Variants in DNAH3 observed in about 807,000 individuals in gnomAD.
DNAH3 encodes axonemal beta dynein heavy chain 3.
In DNAH3, 332 loss-of-function variants were observed where a neutral mutation model predicts 432.5. The ratio of observed to expected loss-of-function variants is 0.77; its 90% CI spans 0.70 to 0.84. The LOEUF is 0.84. Among genes scored for constraint, DNAH3 ranks in the 40% least tolerant of loss-of-function variants. DNAH3 has a pLI of 0.00. For missense variants in DNAH3, 4,861 were observed against 5,114.0 expected (o/e 0.95, Z 1.51); for synonymous variants, 1,956 against 1,900.2 (o/e 1.03, Z -0.76).
intron 28 of DNAH3, among the ~76,000 whole-genome samples, chr16:21,053,281 A>G (rs888942383): frequency 6.6e-6 from 1 of 152,176 alleles, no homozygotes; most frequent in Non-Finnish European, 1.5e-5. Context: ...AAGGAATTTA[A>G]TTCCCCTCCT....
Position 21,054,408 on chromosome 16 carries a change from C to A in DNAH3, c.4039+12G>T, listed in dbSNP as rs1303423897. 6.2e-7 allele frequency: 1 copy of A among 1,602,974 alleles called. No individual in the cohort carries two copies. ...GATAGTCAGTAATGACAGGGGAAGC[C>A]CCCTGGCTTACCGTGGACATCGATG... On this transcript the variant is annotated intron_variant, in intron 28 of 61. Transcript: ENST00000261383.
chr16:20,980,334 A>C (rs1175091777), intron 49 of DNAH3, among the ~76,000 whole-genome samples: 1 of 105,904 alleles, frequency 9.4e-6, no homozygotes, highest in Non-Finnish European at 2.2e-5. Flanking sequence ...ATACTATATT[A>C]TATTTTATTA....
Position 20,964,416 on chromosome 16 carries a change from C to T in DNAH3, c.9468G>A (p.Arg3156=), listed in dbSNP as rs1290400934. 3 of 1,614,162 alleles carry T rather than the reference C, an allele frequency of 1.9e-6. No individual in the cohort carries two copies. The East Asian group carries it at 6.7e-5, about 36-fold the overall frequency. The change falls in exon 53 of 62, where the codon AGG becomes AGA. Residue 3156 remains arginine (R), a synonymous_variant. Coordinates refer to ENST00000261383, the Ensembl canonical transcript of DNAH3. ...AATATTCAATGATGTTTTCACCCAG[C>T]CTCATGTACTCAACTCCTTGCTGTT...
chr16:21,126,885 C>T (rs1198299162), intron 8 of DNAH3, among the ~76,000 whole-genome samples: 3 of 151,900 alleles, frequency 2.0e-5, no homozygotes, highest in African/African-American at 7.3e-5. Flanking sequence ...GCCTGATGAT[C>T]TGTCACTGTC....
intron 42 of DNAH3, 114 bp from the exon 43 acceptor site, chr16:21,000,632 C>G: frequency 3.2e-6 from 3 of 947,826 alleles, no homozygotes; most frequent in Non-Finnish European, 4.7e-6. Context: ...TCTTTATGAC[C>G]TTAGGCGAGT....
chr16:21,120,982 A>G lies in DNAH3; in HGVS notation c.1585-128T>C, dbSNP rs565366007. 68 of 743,264 alleles carry G rather than the reference A, an allele frequency of 9.1e-5. No individual in the cohort carries two copies. The African/African-American group carries it at 9.3e-4, about 10-fold the overall frequency. The allele number at this position is 743,264 out of a possible 1,614,324, so 46.0% of individuals were successfully genotyped here. On this transcript the variant is annotated intron_variant, in intron 10 of 61. Transcript: ENST00000261383. ...CACACCCAGTTTTAATGGAGTACTT[A>G]GAACCCTGTAAGTACCAGATTGCAA...
exon 53 of DNAH3, chr16:20,964,771 T>C: frequency 1.2e-6 from 2 of 1,614,092 alleles, no homozygotes; most frequent in Non-Finnish European, 1.7e-6. Context: ...GAGACTGAAG[T>C]CACTGAAGCC....
Position 20,933,143 on chromosome 16 carries a change from G to A in DNAH3, c.*11C>T. On this transcript the variant is annotated 3_prime_UTR_variant, in exon 62 of 62. Transcript: ENST00000261383. ...AAATGCTTTTTATTTTCTGTCTTGAGACAAATGCCATCAGTTATCCAGCTG... is the reference window on the plus strand; with the variant it reads ...AAATGCTTTTTATTTTCTGTCTTGAAACAAATGCCATCAGTTATCCAGCTG... 5 of 1,602,682 alleles carry A rather than the reference G, an allele frequency of 3.1e-6. No individual in the cohort carries two copies. In the South Asian group the frequency reaches 4.4e-5, roughly 14 times the overall value.
At chr16:21,061,261 T>C (rs2152752272) in intron 25 of DNAH3, among the ~76,000 whole-genome samples, 1 of 139,522 alleles carries the variant, frequency 7.2e-6, no homozygotes, top group African/African-American at 2.7e-5. Context: ...TGAGACGGAG[T>C]TTCACTCTTG....
chr16:21,146,280 G>A (rs1418120576), intron 1 of DNAH3, among the ~76,000 whole-genome samples, 192 bp from the exon 3 acceptor site: 1 of 152,130 alleles, frequency 6.6e-6, no homozygotes, highest in Non-Finnish European at 1.5e-5. Flanking sequence ...TAAGGGCTGG[G>A]TGCGGTAGCT....
At chr16:21,149,396 G>A (rs900891965) in intron 1 of DNAH3, among the ~76,000 whole-genome samples, 1 of 152,116 alleles carries the variant, frequency 6.6e-6, no homozygotes. Flanking sequence ...TGGGCACTTC[G>A]CTGTATGGCA....
intron 56 of DNAH3, among the ~76,000 whole-genome samples, chr16:20,950,447 C>T (rs1213343323): frequency 6.6e-6 from 1 of 152,192 alleles, no homozygotes; most frequent in Non-Finnish European, 1.5e-5. Flanking sequence ...CCAAAACCAT[C>T]TCCAGACATT....
intron 58 of DNAH3, among the ~76,000 whole-genome samples, chr16:20,942,025 G>T (rs868545776): frequency 6.6e-6 from 1 of 150,824 alleles, no homozygotes; most frequent in Non-Finnish European, 1.5e-5. Context: ...AGATCTGGCC[G>T]CTGCACTCCA....
intron 3 of DNAH3, among the ~76,000 whole-genome samples, chr16:21,142,163 G>A (rs2092727741): frequency 6.6e-6 from 1 of 151,812 alleles, no homozygotes; most frequent in South Asian, 2.1e-4. Flanking sequence ...TCAGGAGTTG[G>A]AGACCAGCCT....
At chr16:21,130,920 T>A (rs923744635) in intron 7 of DNAH3, among the ~76,000 whole-genome samples, 3 of 152,172 alleles carry the variant, frequency 2.0e-5, no homozygotes, top group Admixed American at 6.6e-5. Context: ...TAAACACGCT[T>A]GTACTTAAAG....
intron 39 of DNAH3, among the ~76,000 whole-genome samples, chr16:21,023,785 G>GT (rs1486836684): frequency 0.039 from 5,401 of 138,204 alleles, 337 homozygotes; most frequent in African/African-American, 0.14. Context: ...GCAGCTTTTG[G>GT]GGTGTGTGTG....
intron 57 of DNAH3, 136 bp downstream of exon 57, chr16:20,948,347 G>T: frequency 1.1e-6 from 1 of 869,850 alleles, no homozygotes; most frequent in Non-Finnish European, 1.7e-6. Context: ...TGGGAATATT[G>T]GGAATAGCTT....
At chr16:21,020,204 T>C (rs1020745612) in intron 40 of DNAH3, among the ~76,000 whole-genome samples, 19 of 150,076 alleles carry the variant, frequency 1.3e-4, no homozygotes, top group Non-Finnish European at 2.8e-4. Flanking sequence ...TATTTTTTTA[T>C]AGAGATGGGG....
chr16:21,142,468 AAAAT>A (rs899726417), intron 3 of DNAH3, among the ~76,000 whole-genome samples: 26 of 152,218 alleles, frequency 1.7e-4, no homozygotes, highest in African/African-American at 6.0e-4. Context: ...TCACAAATAA[AAAAT>A]AAGTACATAT....
Sources: gnomAD v4.1 joint callset for allele counts (sites outside exome capture counted in the v4.1 genomes callset) on GRCh38, gnomAD v4.1.1 for gene constraint, MANE v1.5 for transcripts, NCBI Gene and HGNC (gene_info 2026-07-23, HGNC 2026-07-21) for gene names.